The following LRRC8C variants were observed in gnomAD, a reference collection of about 807,000 sequenced individuals.
LRRC8C encodes the protein volume-regulated anion channel subunit LRRC8C.
In LRRC8C, 20 loss-of-function variants were observed where a neutral mutation model predicts 55.3. The ratio of observed to expected loss-of-function variants is 0.36; its 90% CI spans 0.25 to 0.53. The LOEUF (loss-of-function observed/expected upper bound fraction) is 0.53. Ranked by LOEUF, LRRC8C falls within the 20% of genes least tolerant of loss-of-function variation. The pLI, the probability that LRRC8C is intolerant of heterozygous loss-of-function variation, is 0.92. For missense variants in LRRC8C, 659 were observed against 951.4 expected, an observed-to-expected ratio of 0.69 and a Z score of 4.04; for synonymous variants, 376 against 360.7, an observed-to-expected ratio of 1.04 and a Z score of -0.48.
chr1:89,630,006 A>T (rs1421644878), upstream of LRRC8C, among the ~76,000 whole-genome samples: 1 of 152,142 alleles, frequency 6.6e-6, no homozygotes, highest in African/African-American at 2.4e-5. Context: ...TAAAAAAAAT[A>T]AATAAATACA....
At chr1:89,680,539 T>A (rs919759019) in intron 1 of LRRC8C, among the ~76,000 whole-genome samples, 32 of 145,744 alleles carry the variant, frequency 2.2e-4, no homozygotes, top group Non-Finnish European at 4.6e-4. Flanking sequence ...AGGTGTTTCA[T>A]GCTTTCATGC....
intron 1 of LRRC8C, among the ~76,000 whole-genome samples, chr1:89,681,230 C>A (rs142337660): frequency 2.6e-5 from 4 of 152,268 alleles, no homozygotes; most frequent in African/African-American, 9.6e-5. Context: ...AGCAATTGAT[C>A]AAGTGTGGCT....
the LRRC8C span, among the ~76,000 whole-genome samples, chr1:89,616,495 G>T: frequency 6.6e-6 from 1 of 152,212 alleles, no homozygotes; most frequent in Non-Finnish European, 1.5e-5. Flanking sequence ...GCCTGAAAGA[G>T]ATAACATTGA....
intron 2 of LRRC8C, among the ~76,000 whole-genome samples, chr1:89,703,776 A>G (rs909312962): frequency 1.3e-5 from 2 of 152,064 alleles, no homozygotes; most frequent in African/African-American, 4.8e-5. Context: ...GAGATAGAGA[A>G]AAAATGAGCA....
intron 1 of LRRC8C, among the ~76,000 whole-genome samples, chr1:89,669,452 A>G (rs529036539): frequency 3.3e-4 from 50 of 152,230 alleles, no homozygotes; most frequent in African/African-American, 1.2e-3. Context: ...CCAAAATAAC[A>G]TGTTTAAAAA....
chr1:89,649,090 C>G (rs1403867630), intron 1 of LRRC8C, among the ~76,000 whole-genome samples: 2 of 152,068 alleles, frequency 1.3e-5, no homozygotes, highest in Non-Finnish European at 2.9e-5. Context: ...GGATATTCCC[C>G]TAGGAATAGA....
intron 1 of LRRC8C, among the ~76,000 whole-genome samples, chr1:89,635,504 A>T (rs1656254600): frequency 6.6e-6 from 1 of 152,186 alleles, no homozygotes; most frequent in Non-Finnish European, 1.5e-5. Flanking sequence ...AGAGTTTCTG[A>T]TTTGGCTGAA....
Position 89,714,979 on chromosome 1 carries a change from A to G in LRRC8C, c.2409A>G (p.Glu803=), listed in dbSNP as rs150000367. 5.8e-5 allele frequency: 91 copies of G among 1,568,782 alleles called. 1 individual carries two copies. In the African/African-American group the frequency reaches 1.0e-3, roughly 18 times the overall value. ...PSDVREQMKT[E] is the part of the protein sequence containing the mutation. ...ACGTCCGGGAGCAAATGAAAACAGA[A>G]TAACTTATTTTTCGTTAAAGTTTGA... The change falls in exon 3 of 3, where the codon GAA becomes GAG. Residue 803 remains glutamate, a synonymous_variant. Coordinates refer to ENST00000370454, the MANE Select transcript of LRRC8C (RefSeq NM_032270.5). The surrounding 1 kb of genome is among the most constrained non-coding windows in gnomAD (Gnocchi z 4.6).
intron 1 of LRRC8C, among the ~76,000 whole-genome samples, chr1:89,683,854 T>A (rs1657794713): frequency 6.6e-6 from 1 of 152,164 alleles, no homozygotes; most frequent in Admixed American, 6.5e-5. Flanking sequence ...CAAAACAACA[T>A]ATCATATCAC....
At chr1:89,636,973 C>T (rs1465444913) in intron 1 of LRRC8C, among the ~76,000 whole-genome samples, 1 of 152,026 alleles carries the variant, frequency 6.6e-6, no homozygotes, top group Non-Finnish European at 1.5e-5. Context: ...AGAGACAAAT[C>T]GGATATTCTG....
At chr1:89,669,195 A>G (rs1657350129) in intron 1 of LRRC8C, among the ~76,000 whole-genome samples, 1 of 152,116 alleles carries the variant, frequency 6.6e-6, no homozygotes, top group South Asian at 2.1e-4. Flanking sequence ...TCACAGAAAG[A>G]TATGTGATTC....
rs918501835 is a variant in LRRC8C, at chr1:89,716,013, G to C, written c.*1031G>C. ...TATATACAGTCAGCCTTCCGTACTT[G>C]TGGGTTCTGCATCTGTGGATTCCAC... On this transcript the variant is annotated 3_prime_UTR_variant, in exon 3 of 3. Transcript: ENST00000370454. 1 of 152,152 alleles carries C rather than the reference G, an allele frequency of 6.6e-6. No homozygotes were observed. The highest frequency in any genetic ancestry group is 2.4e-5 in the African/African-American group (1 of 41,418). 9.4% of individuals were successfully genotyped at this position (152,152 alleles called of 1,614,324 possible).
the LRRC8C span, among the ~76,000 whole-genome samples, chr1:89,624,362 A>G: frequency 6.6e-6 from 1 of 152,200 alleles, no homozygotes; most frequent in African/African-American, 2.4e-5. Context: ...CTGTCTTCCA[A>G]TAGTCACCAA....
At chr1:89,641,446 A>G (rs1481410318) in intron 1 of LRRC8C, among the ~76,000 whole-genome samples, 1 of 152,234 alleles carries the variant, frequency 6.6e-6, no homozygotes, top group African/African-American at 2.4e-5. Flanking sequence ...GTGTTTCCCT[A>G]TTAAACTTAA....
chr1:89,673,966 G>C (rs1015527153), intron 1 of LRRC8C, among the ~76,000 whole-genome samples: 5 of 152,148 alleles, frequency 3.3e-5, no homozygotes, highest in African/African-American at 1.2e-4. Flanking sequence ...AAGCAAGGTG[G>C]GTGGGTATTG....
intron 1 of LRRC8C, among the ~76,000 whole-genome samples, chr1:89,663,286 T>C (rs1341271062): frequency 6.6e-6 from 1 of 152,162 alleles, no homozygotes; most frequent in Non-Finnish European, 1.5e-5. Context: ...TAAACACACA[T>C]GTGGCCGGAC....
At chr1:89,641,968 T>C (rs1273627336) in intron 1 of LRRC8C, among the ~76,000 whole-genome samples, 1 of 152,246 alleles carries the variant, frequency 6.6e-6, no homozygotes, top group Non-Finnish European at 1.5e-5. Flanking sequence ...CGCTGCCATA[T>C]GATATTGCAC....
the LRRC8C span, among the ~76,000 whole-genome samples, chr1:89,620,466 G>C: frequency 6.6e-6 from 1 of 151,306 alleles, no homozygotes; most frequent in Non-Finnish European, 1.5e-5. Context: ...TAAGAAATTA[G>C]AAGATGGTAT....
chr1:89,634,861 G>A (rs114351307), intron 1 of LRRC8C, among the ~76,000 whole-genome samples: 5,501 of 152,214 alleles, frequency 0.036, 113 homozygotes, highest in African/African-American at 0.058. Context: ...CTGTCTTGGG[G>A]TCAGTTTGTT....
Sources: allele counts gnomAD v4.1 joint callset (sites outside exome capture counted in the v4.1 genomes callset), GRCh38; gene constraint gnomAD v4.1.1; non-coding constraint Gnocchi (gnomAD v3.1); transcripts MANE v1.5; gene names NCBI Gene and HGNC (gene_info 2026-07-23, HGNC 2026-07-21).